Variants in ABLIM2 observed in about 807,000 individuals in gnomAD.
ABLIM2 encodes the protein actin-binding LIM protein 2.
A neutral mutation model predicts 97.7 loss-of-function variants in ABLIM2; 53 were observed. The ratio of observed to expected loss-of-function variants is 0.54; its 90% CI spans 0.44 to 0.68. The LOEUF (loss-of-function observed/expected upper bound fraction) is 0.68. Ranked by LOEUF, ABLIM2 falls within the 30% of genes least tolerant of loss-of-function variation. ABLIM2 has a pLI of 0.00. For synonymous variants in ABLIM2, 361 were observed against 345.8 expected, an observed-to-expected ratio of 1.04 and a Z score of -0.49; for missense variants, 835 against 867.2, an observed-to-expected ratio of 0.96 and a Z score of 0.47.
intron 1 of ABLIM2, among the ~76,000 whole-genome samples, chr4:8,157,102 C>T (rs1341876557): frequency 6.6e-6 from 1 of 152,182 alleles, no homozygotes; most frequent in East Asian, 1.9e-4. Flanking sequence ...GTCAGGAAGC[C>T]AAGCTCTGGA....
chr4:8,041,659 T>C (rs1788656163), intron 9 of ABLIM2, among the ~76,000 whole-genome samples: 1 of 151,162 alleles, frequency 6.6e-6, no homozygotes, highest in Admixed American at 6.6e-5. Context: ...TCCCAGCACT[T>C]TGGGAGGCCA....
rs553224838 is a variant in ABLIM2, at chr4:8,071,426, G to A, written c.675+6202C>T. Among the ~76,000 whole-genome samples the A allele has an allele frequency of 3.3e-5, 5 of 152,074 alleles. No homozygotes were observed. Among genetic ancestry groups the A allele is most frequent in the African/African-American group, 4.8e-5 (2 of 41,340 alleles). ...GTTTAGGAGAAACTGAGGGAGAGAC[G>A]GGGAAGGAAAACCCCACTGTCACCA... On this transcript the variant is annotated intron_variant, in intron 6 of 20. Transcript: ENST00000447017. The surrounding 1 kb of genome is among the most constrained non-coding windows in gnomAD (Gnocchi z 6.2).
In ABLIM2 at chr4:8,083,337, G is replaced by A. The variant is rs572674846; in HGVS notation, c.455-2535C>T. Among the ~76,000 whole-genome samples the A allele has an allele frequency of 3.9e-5, 6 of 152,212 alleles. No individual in the cohort carries two copies. The highest frequency in any genetic ancestry group is 2.0e-4 in the Admixed American group (3 of 15,288). On this transcript the variant is annotated intron_variant, in intron 4 of 20. Coordinates refer to ENST00000447017, the MANE Select transcript of ABLIM2 (RefSeq NM_001130083.2). The surrounding 1 kb of genome is among the most constrained non-coding windows in gnomAD (Gnocchi z 4.6). ...GTGATCCGTGAATAAATGCACACACGTTGACCGGTGAGGTGGGCCCACCTC... is the reference window on the plus strand; with the variant it reads ...GTGATCCGTGAATAAATGCACACACATTGACCGGTGAGGTGGGCCCACCTC...
chr4:8,104,444 T>G (rs562160591), intron 2 of ABLIM2, among the ~76,000 whole-genome samples: 25 of 152,134 alleles, frequency 1.6e-4, no homozygotes, highest in Non-Finnish European at 2.8e-4. Flanking sequence ...TGGGGAGAAT[T>G]CACTGAGGGC....
chr4:8,079,358 G>A (rs955164337), intron 5 of ABLIM2, among the ~76,000 whole-genome samples: 4 of 152,222 alleles, frequency 2.6e-5, no homozygotes, highest in African/African-American at 7.2e-5. Flanking sequence ...TAACATGCAC[G>A]GTGTGGGTGA....
intron 10 of ABLIM2, among the ~76,000 whole-genome samples, chr4:8,030,672 C>T (rs1780381603): frequency 6.6e-6 from 1 of 152,234 alleles, no homozygotes; most frequent in African/African-American, 2.4e-5. Flanking sequence ...TGTCTAACCC[C>T]AGCCCGGGGC....
intron 6 of ABLIM2, among the ~76,000 whole-genome samples, chr4:8,062,596 G>A (rs910421810): frequency 6.6e-6 from 1 of 151,930 alleles, no homozygotes; most frequent in Non-Finnish European, 1.5e-5. Flanking sequence ...CCACCACCAC[G>A]CCTGGCTAAT....
intron 1 of ABLIM2, among the ~76,000 whole-genome samples, chr4:8,111,851 C>T (rs991110903): frequency 4.7e-4 from 69 of 146,610 alleles, no homozygotes; most frequent in African/African-American, 1.5e-3. Context: ...ACTTGAAACC[C>T]GGGAGGCAGA....
intron 1 of ABLIM2, among the ~76,000 whole-genome samples, chr4:8,152,880 GTCTTA>G (rs941585882): frequency 2.0e-4 from 30 of 152,308 alleles, no homozygotes; most frequent in African/African-American, 7.0e-4. Flanking sequence ...GGACACAGAG[GTCTTA>G]TCTTTGATCA....
intron 9 of ABLIM2, among the ~76,000 whole-genome samples, chr4:8,040,178 C>T (rs1787421792): frequency 6.6e-6 from 1 of 152,140 alleles, no homozygotes; most frequent in South Asian, 2.1e-4. Flanking sequence ...CCACAGCAGG[C>T]AGGGGTGGGC....
chr4:8,053,296 T>C (rs1203710325), intron 8 of ABLIM2, among the ~76,000 whole-genome samples: 1 of 152,214 alleles, frequency 6.6e-6, no homozygotes, highest in African/African-American at 2.4e-5. Flanking sequence ...GCTTCAAGTT[T>C]TCCCGCCTTT....
chr4:7,996,701 C>T lies in ABLIM2; in HGVS notation c.1619-3774G>A, dbSNP rs750645111. ...GAAGTTCCAAGCCTTCTTCTATTAT[C>T]ATTTCCTTTCTGTTTGGAGAAGATT... On this transcript the variant is annotated intron_variant, in intron 16 of 20. Transcript: ENST00000447017. This position sits in a 1 kb window ranked among gnomAD's most constrained non-coding sequence, Gnocchi z 4.5. Among the ~76,000 whole-genome samples, 2 of 152,182 alleles carry T rather than the reference C, an allele frequency of 1.3e-5. No individual in the cohort carries two copies. The highest frequency in any genetic ancestry group is 4.8e-5 in the African/African-American group (2 of 41,448).
At chr4:8,108,695 C>T (rs973962548) in intron 1 of ABLIM2, among the ~76,000 whole-genome samples, 3 of 152,228 alleles carry the variant, frequency 2.0e-5, no homozygotes, top group South Asian at 4.1e-4. Context: ...TCCAGTCCCC[C>T]GAGGCCGACA....
chr4:8,106,782 G>A (rs1837659998), intron 1 of ABLIM2, 145 bp from the exon 2 acceptor site: 1 of 1,009,378 alleles, frequency 9.9e-7, no homozygotes, highest in Non-Finnish European at 1.4e-6. Flanking sequence ...ATCGGGGTCG[G>A]TCTGTTGTCT....
chr4:8,144,193 C>T (rs9996087), intron 1 of ABLIM2, among the ~76,000 whole-genome samples: 1 of 152,096 alleles, frequency 6.6e-6, no homozygotes, highest in Non-Finnish European at 1.5e-5. Flanking sequence ...AGAGCCTCAG[C>T]GGGGAAGCAG....
chr4:8,068,854 A>G lies in ABLIM2; in HGVS notation c.676-7800T>C, dbSNP rs1809818534. Among the ~76,000 whole-genome samples the G allele has an allele frequency of 6.6e-6, 1 of 152,280 alleles. No individual in the cohort carries two copies. The stretch of plus-strand genomic sequence containing the variant: ...TCCAGAACTGAGTCCAGGTCTTAAA[A>G]GACCTAATCACCATGATGCACAAAC... On this transcript the variant is annotated intron_variant, in intron 6 of 20. Coordinates refer to ENST00000447017, the MANE Select transcript of ABLIM2 (RefSeq NM_001130083.2). The surrounding 1 kb of genome is among the most constrained non-coding windows in gnomAD (Gnocchi z 4.5).
rs1333161297 is a variant in ABLIM2, at chr4:8,061,132, C to T, written c.676-78G>A. 4.8e-6 allele frequency: 6 copies of T among 1,247,394 alleles called. No homozygotes were observed. Among genetic ancestry groups the T allele is most frequent in the African/African-American group, 3.0e-5 (2 of 66,968 alleles). 77.3% of individuals were successfully genotyped at this position (1,247,394 alleles called of 1,614,324 possible). On this transcript the variant is annotated intron_variant, in intron 6 of 20. Transcript: ENST00000447017. The surrounding 1 kb of genome is among the most constrained non-coding windows in gnomAD (Gnocchi z 4.5). ...TGGGTCCCAGCGCCCGGCATGGATA[C>T]AGCATGCCCTGAGCACAGGTACTCA...
chr4:8,057,907 G>A (rs1800386935), intron 7 of ABLIM2, among the ~76,000 whole-genome samples: 1 of 152,206 alleles, frequency 6.6e-6, no homozygotes, highest in Non-Finnish European at 1.5e-5. Flanking sequence ...CAGGCAGGGT[G>A]GGTGCCCCAA....
rs993450504 is a variant in ABLIM2, at chr4:7,985,630, G to A, written c.1681-737C>T. On this transcript the variant is annotated intron_variant, in intron 17 of 20. Transcript: ENST00000447017. Reference sequence around the variant, plus strand: ...TGTGACTGTTTCAAAGGTTAAAGGAGCCCCGTGTCTGTAAGGCCCCTGGCA... The same window carrying A: ...TGTGACTGTTTCAAAGGTTAAAGGAACCCCGTGTCTGTAAGGCCCCTGGCA... Among the ~76,000 whole-genome samples the A allele has an allele frequency of 3.9e-5, 6 of 152,196 alleles. 1 individual carries two copies. The South Asian group carries it at 6.2e-4, about 16-fold the overall frequency.
Sources: gnomAD v4.1 joint callset for allele counts (sites outside exome capture counted in the v4.1 genomes callset) on GRCh38, gnomAD v4.1.1 for gene constraint, Gnocchi (gnomAD v3.1) non-coding constraint, MANE v1.5 for transcripts, NCBI Gene and HGNC (gene_info 2026-07-23, HGNC 2026-07-21) for gene names.